Variants in EFCAB8 observed in about 807,000 individuals in gnomAD.
EFCAB8 encodes EF-hand calcium-binding domain-containing protein 8.
EFCAB8 carries 100 observed loss-of-function variants against 116.3 expected under a neutral mutation model. The ratio of observed to expected loss-of-function variants is 0.86; its 90% CI spans 0.73 to 1.02. The LOEUF (loss-of-function observed/expected upper bound fraction) is 1.02. EFCAB8 is among the 50% of genes least tolerant of loss of function. EFCAB8 has a pLI of 0.00. For synonymous variants in EFCAB8, 558 were observed against 567.9 expected, an observed-to-expected ratio of 0.98 and a Z score of 0.25; for missense variants, 1,320 against 1,416.9, an observed-to-expected ratio of 0.93 and a Z score of 1.10.
chr20:32,931,671 T>A (rs987201113), intron 22 of EFCAB8, among the ~76,000 whole-genome samples: 3 of 152,130 alleles, frequency 2.0e-5, no homozygotes, highest in Non-Finnish European at 4.4e-5. Context: ...GGCAGGAGAA[T>A]CGCTTGAACC....
At chr20:32,867,263 T>C (rs780641316) in intron 2 of EFCAB8, among the ~76,000 whole-genome samples, 3 of 149,928 alleles carry the variant, frequency 2.0e-5, no homozygotes, top group Non-Finnish European at 4.4e-5. Flanking sequence ...TGAAATGATA[T>C]AGTTACTGAA....
At position 32,961,460 on chromosome 20, in the gene EFCAB8, A is replaced by C. The variant is rs372841373; in HGVS notation, c.3718A>C (p.Thr1240Pro). 5.6e-6 allele frequency: 8 copies of C among 1,436,632 alleles called. No individual in the cohort carries two copies. The highest frequency in any genetic ancestry group is 2.5e-5 in the East Asian group (1 of 39,376). The allele number at this position is 1,436,632 out of a possible 1,614,324, so 89.0% of individuals were successfully genotyped here. A position where few individuals can be genotyped will look rare whatever the true frequency, so the allele number is the denominator to read the frequency against. Residue 1240 changes from threonine (T) to proline (P), a missense_variant, in exon 27 of 27, where the codon ACC (threonine) becomes CCC (proline). Thr to Pro is a conservative substitution (Grantham distance 38). Transcript: ENST00000400522. ...RPQSASTAHS[T>P]PSVPSPVSKS... ...CCAGTCAGCCTCCACAGCCCATTCC[A>C]CCCCCTCGGTCCCATCCCCGGTGTC... is the stretch of plus-strand genomic sequence containing the variant.
At chr20:32,900,531 T>A (rs1986374119) in intron 11 of EFCAB8, among the ~76,000 whole-genome samples, 1 of 152,020 alleles carries the variant, frequency 6.6e-6, no homozygotes. Flanking sequence ...CAGCTAATTT[T>A]TGTATTTTTA....
chr20:32,950,551 G>A (rs543777689), intron 23 of EFCAB8, among the ~76,000 whole-genome samples: 13 of 152,270 alleles, frequency 8.5e-5, no homozygotes, highest in African/African-American at 2.9e-4. Context: ...ATTCAGGGTG[G>A]GAGAATTTAT....
rs192965228 is a variant in EFCAB8, at chr20:32,885,548, C to T, written c.475C>T (p.Arg159Trp). 185 of 1,551,656 alleles carry T rather than the reference C, an allele frequency of 1.2e-4. 1 individual carries two copies. The African/African-American group carries it at 2.1e-3, about 18-fold the overall frequency. Residue 159 changes from arginine to tryptophan, a missense_variant, in exon 6 of 27, where the codon CGG becomes TGG. Physicochemically the swap from Arg to Trp is moderately radical, Grantham distance 101 (BLOSUM62 -3). Coordinates refer to ENST00000400522, the MANE Select transcript of EFCAB8 (RefSeq NM_001143967.2). ...GGTGAAGGTGGTGTTTTTAATCCAC[C>T]GGTTCAAGAAGATCGGGTGTTTCCT... is the stretch of plus-strand genomic sequence containing the variant. ...EVVKVVFLIH[R>W]FKKIGCFLTV...
chr20:32,905,146 C>T (rs923149247), intron 11 of EFCAB8, among the ~76,000 whole-genome samples: 1 of 152,212 alleles, frequency 6.6e-6, no homozygotes, highest in African/African-American at 2.4e-5. Context: ...ACTGAGCTTC[C>T]TGCCACCTCC....
At chr20:32,960,207 A>G (rs750685604) in intron 26 of EFCAB8, 46 bp downstream of exon 26, 2 of 1,520,968 alleles carry the variant, frequency 1.3e-6, no homozygotes, top group South Asian at 2.4e-5. Context: ...GTCAGGGGCC[A>G]GGGGATCCCA....
rs954275243 is a variant in EFCAB8 at position 32,906,504 on chromosome 20, A to C, written c.1089-58A>C. ...CCTCCCACCCCAGGCTCAGTCTCAG[A>C]CGCTCTCTTGGGGCCACTGCTCCCG... On this transcript the variant is annotated intron_variant, in intron 11 of 26. Coordinates refer to ENST00000400522, the MANE Select transcript of EFCAB8 (RefSeq NM_001143967.2). 10 of 716,954 alleles carry C rather than the reference A, an allele frequency of 1.4e-5. No homozygotes were observed. The East Asian group carries it at 1.6e-4, about 12-fold the overall frequency. 44.4% of individuals were successfully genotyped at this position (716,954 alleles called of 1,614,324 possible).
chr20:32,912,944 T>C (rs1987013405), intron 17 of EFCAB8, 80 bp downstream of exon 17: 1 of 682,042 alleles, frequency 1.5e-6, no homozygotes, highest in Non-Finnish European at 2.7e-6. Flanking sequence ...ATTCCTGGCT[T>C]TCCTGGTGGT....
chr20:32,928,539 C>T (rs766402541), intron 20 of EFCAB8, among the ~76,000 whole-genome samples: 5 of 152,064 alleles, frequency 3.3e-5, no homozygotes, highest in South Asian at 2.1e-4. Flanking sequence ...CCAGCCAATG[C>T]GACTGATTTT....
At position 32,961,256 on chromosome 20, in the gene EFCAB8, C is replaced by G. The variant is rs1989141827; in HGVS notation, c.3514C>G (p.His1172Asp). The G allele has an allele frequency of 1.3e-6, 2 of 1,551,342 alleles. No individual in the cohort carries two copies. The highest frequency in any genetic ancestry group is 8.7e-7 in the Non-Finnish European group (1 of 1,146,760). Residue 1172 changes from histidine to aspartate, a missense_variant, in exon 27 of 27, where the codon CAT becomes GAT. Coordinates refer to ENST00000400522, the MANE Select transcript of EFCAB8 (RefSeq NM_001143967.2). Reference protein sequence around the residue: ...QDQHIRLVAHHVQKDLVPSRE... With the variant: ...QDQHIRLVAHDVQKDLVPSRE... ...CCAGCACATCCGCCTGGTGGCCCAC[C>G]ATGTCCAGAAGGACCTGGTGCCCAG...
intron 24 of EFCAB8, 128 bp from the exon 25 acceptor site, chr20:32,959,650 T>C: frequency 1.4e-6 from 1 of 695,486 alleles, no homozygotes; most frequent in Non-Finnish European, 2.4e-6. Context: ...CTGGGGAGTC[T>C]GGCCTGAGGG....
intron 17 of EFCAB8, among the ~76,000 whole-genome samples, chr20:32,915,591 A>G (rs1290853626): frequency 1.3e-5 from 2 of 151,466 alleles, no homozygotes; most frequent in African/African-American, 4.9e-5. Flanking sequence ...CTAGGCCCTC[A>G]CTGGAATCAC....
chr20:32,899,404 CAA>C (rs113891250), intron 11 of EFCAB8, among the ~76,000 whole-genome samples: 7 of 93,676 alleles, frequency 7.5e-5, no homozygotes, highest in South Asian at 4.1e-4. Context: ...GACTCCGTCT[CAA>C]AAAAAAAAAA....
chr20:32,872,851 G>A (rs1984754521), intron 3 of EFCAB8, among the ~76,000 whole-genome samples: 1 of 148,892 alleles, frequency 6.7e-6, no homozygotes, highest in Admixed American at 6.7e-5. Context: ...CAGCATTTTG[G>A]GAGGCCGAGG....
At chr20:32,942,593 C>G (rs1464117027) in intron 22 of EFCAB8, among the ~76,000 whole-genome samples, 3 of 151,808 alleles carry the variant, frequency 2.0e-5, no homozygotes, top group Non-Finnish European at 4.4e-5. Context: ...AAATATCCCC[C>G]CCAATTTGTC....
intron 5 of EFCAB8, among the ~76,000 whole-genome samples, chr20:32,879,945 CT>C (rs1405786108): frequency 1.3e-5 from 2 of 152,186 alleles, no homozygotes; most frequent in Non-Finnish European, 2.9e-5. Context: ...GTTCCTCCCC[CT>C]GGACTCCCTA....
intron 11 of EFCAB8, among the ~76,000 whole-genome samples, chr20:32,902,141 T>C (rs919810731): frequency 3.3e-5 from 5 of 152,162 alleles, no homozygotes; most frequent in African/African-American, 1.2e-4. Flanking sequence ...CTTCTTACAA[T>C]ATTTGGAACT....
chr20:32,895,169 G>C, intron 9 of EFCAB8, among the ~76,000 whole-genome samples: 1 of 152,218 alleles, frequency 6.6e-6, no homozygotes, highest in South Asian at 2.1e-4. Context: ...CTACTCGTCT[G>C]TGTCAGACTG....
Sources: gnomAD v4.1 joint callset for allele counts (sites outside exome capture counted in the v4.1 genomes callset) on GRCh38, gnomAD v4.1.1 for gene constraint, MANE v1.5 for transcripts, NCBI Gene and HGNC (gene_info 2026-07-23, HGNC 2026-07-21) for gene names.